ZFYVE27: variants seen among roughly 807,000 people sequenced by gnomAD.
ZFYVE27 encodes the protein zinc finger FYVE-type containing 27, also known as protrudin.
Under a neutral mutation model 52.8 loss-of-function variants are expected in ZFYVE27, and 36 were observed. That is an observed-to-expected ratio of 0.68 (90% CI 0.52 to 0.90). The LOEUF is 0.90. Ranked by LOEUF, ZFYVE27 falls within the 40% of genes least tolerant of loss-of-function variation. The pLI is 0.00. For missense variants in ZFYVE27, 450 were observed against 527.2 expected, an observed-to-expected ratio of 0.85 and a Z score of 1.43; for synonymous variants, 223 against 215.6, an observed-to-expected ratio of 1.03 and a Z score of -0.30.
In ZFYVE27 at chr10:97,738,811, G is replaced by A. The variant is rs200425310; in HGVS notation, c.197+137G>A. 210 of 986,316 alleles carry A rather than the reference G, an allele frequency of 2.1e-4. No individual in the cohort carries two copies. The East Asian group carries it at 4.7e-3, about 22-fold the overall frequency. The allele number at this position is 986,316 out of a possible 1,614,324, so 61.1% of individuals were successfully genotyped here. A position where few individuals can be genotyped will look rare whatever the true frequency, so the allele number is the denominator to read the frequency against. On this transcript the variant is annotated intron_variant, in intron 2 of 12. Coordinates refer to ENST00000684270, the MANE Select transcript of ZFYVE27 (RefSeq NM_001385875.1). ...AGGAGCAGTTCTGGGAGGTCTGTTC[G>A]GCCTCTGGGTTTATCTAGGCCTACC... is the stretch of plus-strand genomic sequence containing the variant.
chr10:97,747,429 C>T (rs1225415045), intron 4 of ZFYVE27, among the ~76,000 whole-genome samples: 2 of 152,138 alleles, frequency 1.3e-5, no homozygotes, highest in African/African-American at 4.8e-5. Flanking sequence ...TGGGTCTTGC[C>T]TTAATCAGTT....
intron 10 of ZFYVE27, among the ~76,000 whole-genome samples, chr10:97,754,283 G>A (rs1564832410): frequency 6.6e-6 from 1 of 150,762 alleles, no homozygotes; most frequent in Admixed American, 6.6e-5. Flanking sequence ...TCTTTCTGCT[G>A]TGTGAATGTC....
chr10:97,748,207 C>A, intron 4 of ZFYVE27, 62 bp from the exon 5 acceptor site: 1 of 1,510,660 alleles, frequency 6.6e-7, no homozygotes, highest in South Asian at 1.1e-5. Context: ...ACCTGCAAGG[C>A]CCCAGGCTCC....
chr10:97,739,474 T>G (rs1564802714), intron 2 of ZFYVE27, among the ~76,000 whole-genome samples: 1 of 152,240 alleles, frequency 6.6e-6, no homozygotes, highest in Non-Finnish European at 1.5e-5. Flanking sequence ...CTCATTTTAT[T>G]ATGTTAAAAT....
In ZFYVE27 at chr10:97,750,173, A is replaced by G. The variant is rs2046553068; in HGVS notation, c.665-158A>G. On this transcript the variant is annotated intron_variant, in intron 6 of 12. Transcript: ENST00000684270. Reference sequence around the variant, plus strand: ...GGTGGTGGTATCTAAGTTTTGTTTAAGAGGCTTAAGTTAGGTGACTCGCTC... The same window carrying G: ...GGTGGTGGTATCTAAGTTTTGTTTAGGAGGCTTAAGTTAGGTGACTCGCTC... 4 of 842,722 alleles carry G rather than the reference A, an allele frequency of 4.7e-6. No homozygotes were observed. In the South Asian group the frequency reaches 6.0e-5, roughly 13 times the overall value. The allele number at this position is 842,722 out of a possible 1,614,324, so 52.2% of individuals were successfully genotyped here. A position where few individuals can be genotyped will look rare whatever the true frequency, so the allele number is the denominator to read the frequency against.
chr10:97,750,471 G>T lies in ZFYVE27; in HGVS notation c.804+1G>T, dbSNP rs369834453. ...CACGCCTGCCCTCACACCCACGGAGGTAAGTGCCACTGTCAGGGCAGAGCC... is the reference window on the plus strand; with the variant it reads ...CACGCCTGCCCTCACACCCACGGAGTTAAGTGCCACTGTCAGGGCAGAGCC... On this transcript the variant is annotated splice_donor_variant, in intron 7 of 12. Coordinates refer to ENST00000684270, the MANE Select transcript of ZFYVE27 (RefSeq NM_001385875.1). LOFTEE classifies it high-confidence loss of function. The T allele has an allele frequency of 1.2e-6, 2 of 1,613,880 alleles. No homozygotes were observed. Among genetic ancestry groups the T allele is most frequent in the South Asian group, 1.1e-5 (1 of 91,090 alleles).
At chr10:97,746,663 T>G (rs2045516269) in intron 4 of ZFYVE27, among the ~76,000 whole-genome samples, 1 of 151,914 alleles carries the variant, frequency 6.6e-6, no homozygotes, top group Non-Finnish European at 1.5e-5. Context: ...CTTTTTCTTC[T>G]TTTATTAATT....
chr10:97,753,296 G>A, intron 10 of ZFYVE27, 114 bp downstream of exon 10: 1 of 1,456,688 alleles, frequency 6.9e-7, no homozygotes, highest in Non-Finnish European at 9.2e-7. Context: ...GTACTGACTT[G>A]TGACAAGAGC....
chr10:97,755,179 T>G (rs1011544673), intron 10 of ZFYVE27, among the ~76,000 whole-genome samples: 2 of 152,224 alleles, frequency 1.3e-5, no homozygotes, highest in Non-Finnish European at 2.9e-5. Context: ...TCCTCTTAGT[T>G]CCTCATCCTT....
In ZFYVE27 at chr10:97,749,518, T is replaced by C. The variant is rs2046365189; in HGVS notation, c.596T>C (p.Leu199Pro). Residue 199 changes from leucine (L) to proline (P), a missense_variant, in exon 6 of 13, where the codon CTG (leucine) becomes CCG (proline). Coordinates refer to ENST00000684270, the MANE Select transcript of ZFYVE27 (RefSeq NM_001385875.1). The part of the protein sequence containing the change: ...LLGTVCMLYL[L>P]PLCWVLTLLN... ...GGCACAGTCTGCATGCTGTATTTGC[T>C]GCCACTCTGCTGGGTTCTCACCCTT... 1 of 1,614,100 alleles carries C rather than the reference T, an allele frequency of 6.2e-7. No individual in the cohort carries two copies. The highest frequency in any genetic ancestry group is 8.5e-7 in the Non-Finnish European group (1 of 1,180,040).
In ZFYVE27 at chr10:97,738,672, C is replaced by T. The variant is rs1349547674; in HGVS notation, c.195C>T (p.Leu65=). The T allele has an allele frequency of 5.0e-6, 8 of 1,614,098 alleles. No homozygotes were observed. Among genetic ancestry groups the T allele is most frequent in the South Asian group, 1.1e-5 (1 of 91,078 alleles). ...CAGGTGATGGTGTTCGATACTTGCTCAGGTACAGACTTTGTGGAGTTGCTC... is the reference window on the plus strand; with the variant it reads ...CAGGTGATGGTGTTCGATACTTGCTTAGGTACAGACTTTGTGGAGTTGCTC... ...KDAGDGVRYL[L]RWQMPLCSLL... The change falls in exon 2 of 13, where the codon CTC becomes CTT. Residue 65 remains leucine (L), a splice_region_variant and synonymous_variant. Transcript: ENST00000684270.
At chr10:97,750,263 G>T in intron 6 of ZFYVE27, 68 bp from the exon 7 acceptor site, 4 of 1,594,524 alleles carry the variant, frequency 2.5e-6, no homozygotes, top group Non-Finnish European at 3.4e-6. Flanking sequence ...GCAGAAGTGG[G>T]TACCCCTAAA....
At chr10:97,748,176 T>C in intron 4 of ZFYVE27, 93 bp from the exon 5 acceptor site, 1 of 1,168,810 alleles carries the variant, frequency 8.6e-7, no homozygotes, top group Non-Finnish European at 1.3e-6. Flanking sequence ...TTAAAGAGAT[T>C]GACCATCCCT....
intron 6 of ZFYVE27, 120 bp from the exon 7 acceptor site, chr10:97,750,211 G>GCGAC: frequency 7.7e-7 from 1 of 1,292,786 alleles, no homozygotes; most frequent in Non-Finnish European, 1.1e-6. Flanking sequence ...AGTTAGGAGG[G>GCGAC]TGACTCTTTC....
intron 2 of ZFYVE27, among the ~76,000 whole-genome samples, chr10:97,742,390 T>G (rs985010808): frequency 1.4e-4 from 21 of 152,326 alleles, no homozygotes; most frequent in Middle Eastern, 3.4e-3. Flanking sequence ...TTTGGGGGCT[T>G]CTGCATTGCC....
At chr10:97,749,625 G>T (rs544531452) in intron 6 of ZFYVE27, 39 bp downstream of exon 6, 1 of 1,539,868 alleles carries the variant, frequency 6.5e-7, no homozygotes, top group African/African-American at 1.4e-5. Flanking sequence ...GCCCAAGCTG[G>T]CTCTGAGGGC....
intron 8 of ZFYVE27, 101 bp from the exon 9 acceptor site, chr10:97,752,756 C>G: frequency 3.7e-6 from 5 of 1,349,210 alleles, no homozygotes; most frequent in Non-Finnish European, 5.2e-6. Flanking sequence ...AGCAGCGCTT[C>G]CATGCTTCCT....
chr10:97,751,485 C>G (rs371232662), intron 8 of ZFYVE27, 23 bp downstream of exon 8: 283 of 1,612,352 alleles, frequency 1.8e-4, no homozygotes, highest in Non-Finnish European at 2.2e-4. Flanking sequence ...TCCCCAGCAT[C>G]CTCTACTCAG....
At chr10:97,751,503 G>T in intron 8 of ZFYVE27, 41 bp downstream of exon 8, 1 of 1,600,190 alleles carries the variant, frequency 6.2e-7, no homozygotes, top group African/African-American at 1.3e-5. Context: ...CAGCAGGCCA[G>T]AAATTGGGTG....
Sources: allele counts gnomAD v4.1 joint callset (sites outside exome capture counted in the v4.1 genomes callset), GRCh38; gene constraint gnomAD v4.1.1; transcripts MANE v1.5; gene names NCBI Gene and HGNC (gene_info 2026-07-23, HGNC 2026-07-21).